The following DYNC2I1 variants were observed in gnomAD, a reference collection of about 807,000 sequenced individuals.
The protein encoded by DYNC2I1 is dynein 2 intermediate chain 1.
A neutral mutation model predicts 133.4 loss-of-function variants in DYNC2I1; 89 were observed. The observed-to-expected ratio is 0.67, with a 90% CI of 0.56 to 0.80. DYNC2I1 has a LOEUF of 0.80. Among genes scored for constraint, DYNC2I1 ranks in the 30% least tolerant of loss-of-function variants. The probability of loss-of-function intolerance (pLI) is 0.00; values close to 1 mark genes in which losing one functional copy is unlikely to be tolerated. For missense variants in DYNC2I1, 1,291 were observed against 1,314.5 expected, an observed-to-expected ratio of 0.98 and a Z score of 0.28; for synonymous variants, 504 against 484.3, an observed-to-expected ratio of 1.04 and a Z score of -0.54.
intron 20 of DYNC2I1, among the ~76,000 whole-genome samples, chr7:158,929,369 C>A (rs938076767): frequency 6.6e-6 from 1 of 152,214 alleles, no homozygotes; most frequent in Non-Finnish European, 1.5e-5. Flanking sequence ...CTTACTGGAG[C>A]GGAGGCGCAG....
At chr7:158,842,727 T>C in the DYNC2I1 span, among the ~76,000 whole-genome samples, 2 of 152,258 alleles carry the variant, frequency 1.3e-5, no homozygotes, top group Non-Finnish European at 2.9e-5. Context: ...GAAAGGTTTA[T>C]TGATTCTGCT....
At chr7:158,942,882 A>C (rs1334130315) in intron 24 of DYNC2I1, among the ~76,000 whole-genome samples, 1 of 152,216 alleles carries the variant, frequency 6.6e-6, no homozygotes, top group Admixed American at 6.5e-5. Flanking sequence ...CACTCCCATC[A>C]ACACCACTGT....
At position 158,918,877 on chromosome 7, in the gene DYNC2I1, G is replaced by T. The variant is rs755278989; in HGVS notation, c.1921+8G>T. 6.8e-6 allele frequency: 11 copies of T among 1,609,106 alleles called. No homozygotes were observed. The South Asian group carries it at 8.8e-5, about 13-fold the overall frequency. ...GTCTACCATTCCTTCAAAGTAAGAG[G>T]CTGTTCTCAAATATGATTTTAAATC... On this transcript the variant is annotated splice_region_variant and intron_variant, in intron 15 of 24. Coordinates refer to ENST00000407559, the MANE Select transcript of DYNC2I1 (RefSeq NM_018051.5).
chr7:158,900,870 T>G (rs1396190091), intron 8 of DYNC2I1, among the ~76,000 whole-genome samples: 1 of 152,098 alleles, frequency 6.6e-6, no homozygotes, highest in Non-Finnish European at 1.5e-5. Flanking sequence ...AAAGTTGTTC[T>G]TCACTTCTGT....
chr7:158,902,440 C>T lies in DYNC2I1; in HGVS notation c.1202C>T (p.Ser401Leu). 6.2e-7 allele frequency: 1 copy of T among 1,613,644 alleles called. No homozygotes were observed. The highest frequency in any genetic ancestry group is 8.5e-7 in the Non-Finnish European group (1 of 1,179,856). ...GATGAAAGCAGTAATGAACCTGAGT[C>T]AAGAGAAAAACTGGAAGAACTTCCT... Reference protein sequence around the residue: ...DDDESSNEPESREKLEELPLA... With the variant: ...DDDESSNEPELREKLEELPLA... Residue 401 changes from serine (S) to leucine (L), a missense_variant, in exon 10 of 25, where the codon TCA becomes TTA. Coordinates refer to ENST00000407559, the MANE Select transcript of DYNC2I1 (RefSeq NM_018051.5).
intron 15 of DYNC2I1, 78 bp downstream of exon 15, chr7:158,918,947 A>G (rs1848750591): frequency 7.0e-7 from 1 of 1,431,944 alleles, no homozygotes; most frequent in Admixed American, 2.4e-5. Context: ...GTAGTATAAT[A>G]TTTTATTTTA....
rs759200684 is a variant in DYNC2I1, at chr7:158,861,819, C to G, written c.15+5069C>G. 6.0e-4 allele frequency among the ~76,000 whole-genome samples: 91 copies of G among 152,206 alleles called. 1 individual carries two copies. Among genetic ancestry groups the G allele is most frequent in the Non-Finnish European group, 2.9e-4 (20 of 68,034 alleles). On this transcript the variant is annotated intron_variant, in intron 1 of 24. Coordinates refer to ENST00000407559, the MANE Select transcript of DYNC2I1 (RefSeq NM_018051.5). ...ATAACCTTGGATTCAGTGATGGAAACTGATCATCCTAGTTTTCTTCGTTAC... is the reference window on the plus strand; with the variant it reads ...ATAACCTTGGATTCAGTGATGGAAAGTGATCATCCTAGTTTTCTTCGTTAC...
chr7:158,879,541 T>C, intron 4 of DYNC2I1, 143 bp from the exon 5 acceptor site: 1 of 811,818 alleles, frequency 1.2e-6, no homozygotes, highest in Non-Finnish European at 1.9e-6. Flanking sequence ...AGTCTGTACA[T>C]GTTTACTACA....
intron 4 of DYNC2I1, among the ~76,000 whole-genome samples, chr7:158,877,549 C>T (rs1843482563): frequency 6.6e-6 from 1 of 152,160 alleles, no homozygotes; most frequent in Non-Finnish European, 1.5e-5. Context: ...GAGCATAATT[C>T]CTTATGTCCT....
chr7:158,867,157 C>G (rs1842483984), intron 1 of DYNC2I1, among the ~76,000 whole-genome samples: 2 of 151,756 alleles, frequency 1.3e-5, no homozygotes, highest in Admixed American at 1.3e-4. Flanking sequence ...GTTTGCTTAG[C>G]TGAGGTTAGG....
chr7:158,896,000 A>G (rs913488415), intron 8 of DYNC2I1, among the ~76,000 whole-genome samples: 3 of 152,124 alleles, frequency 2.0e-5, no homozygotes, highest in Non-Finnish European at 4.4e-5. Flanking sequence ...GTAATTGCTT[A>G]TTATTTCCAG....
rs1400531425 is a variant in DYNC2I1 at position 158,856,600 on chromosome 7, C to A, written c.-136C>A. 2.1e-6 allele frequency: 2 copies of A among 937,432 alleles called. No individual in the cohort carries two copies. The highest frequency in any genetic ancestry group is 3.3e-5 in the East Asian group (1 of 30,094). The allele number at this position is 937,432 out of a possible 1,614,324, so 58.1% of individuals were successfully genotyped here. A position where few individuals can be genotyped will look rare whatever the true frequency, so the allele number is the denominator to read the frequency against. ...ACGCTGGGCAGTGCTTCTGGGCCCTCTGCTGCTCCTGCTTGTCGGTTGCTA... is the reference window on the plus strand; with the variant it reads ...ACGCTGGGCAGTGCTTCTGGGCCCTATGCTGCTCCTGCTTGTCGGTTGCTA... On this transcript the variant is annotated 5_prime_UTR_variant, in exon 1 of 25. It adds an upstream start codon to the 5' untranslated region. Transcript: ENST00000407559.
At chr7:158,915,795 A>T (rs1173721920) in intron 14 of DYNC2I1, among the ~76,000 whole-genome samples, 52 of 141,670 alleles carry the variant, frequency 3.7e-4, no homozygotes, top group East Asian at 1.4e-3. Flanking sequence ...TGATTGTGAA[A>T]CGTCGACACG....
In DYNC2I1 at chr7:158,887,720, G is replaced by C. The variant is rs557730385; in HGVS notation, c.990+645G>C. On this transcript the variant is annotated intron_variant, in intron 7 of 24. Transcript: ENST00000407559. ...CCACAAAGTCGCTCAGGCTCTGATGGCTTCTCTGGCAAATTCTACCAAGCA... is the reference window on the plus strand; with the variant it reads ...CCACAAAGTCGCTCAGGCTCTGATGCCTTCTCTGGCAAATTCTACCAAGCA... 5.3e-5 allele frequency among the ~76,000 whole-genome samples: 8 copies of C among 152,266 alleles called. No individual in the cohort carries two copies. The East Asian group carries it at 1.5e-3, about 29-fold the overall frequency.
chr7:158,922,359 T>A lies in DYNC2I1; in HGVS notation c.1922-18T>A. 6.2e-7 allele frequency: 1 copy of A among 1,606,954 alleles called. No homozygotes were observed. Among genetic ancestry groups the A allele is most frequent in the Non-Finnish European group, 8.5e-7 (1 of 1,176,168 alleles). On this transcript the variant is annotated intron_variant, in intron 15 of 24. Coordinates refer to ENST00000407559, the MANE Select transcript of DYNC2I1 (RefSeq NM_018051.5). ...CTGGCAGGTCGTTGAAATGTGAACA[T>A]ATTTTTCTTCTCCCTAGATCGAAAA...
intron 4 of DYNC2I1, among the ~76,000 whole-genome samples, chr7:158,878,336 C>T (rs1224572774): frequency 4.8e-4 from 51 of 105,886 alleles, no homozygotes; most frequent in African/African-American, 1.3e-3. Context: ...CTGTGAGTGC[C>T]GGGCACCATG....
rs73527686 is a variant in DYNC2I1, at chr7:158,870,266, G to A, written c.69+358G>A. On this transcript the variant is annotated intron_variant, in intron 2 of 24. Coordinates refer to ENST00000407559, the MANE Select transcript of DYNC2I1 (RefSeq NM_018051.5). Reference sequence around the variant, plus strand: ...GTCCTTGTTTGTATGGGGCCCAGGCGGTTTGTGTCTTAGCGACTTTAAAAC... The same window carrying A: ...GTCCTTGTTTGTATGGGGCCCAGGCAGTTTGTGTCTTAGCGACTTTAAAAC... Among the ~76,000 whole-genome samples, 1,381 of 152,244 alleles carry A rather than the reference G, an allele frequency of 9.1e-3. 9 individuals carry two copies. Among genetic ancestry groups the A allele is most frequent in the African/African-American group, 0.03 (1,252 of 41,532 alleles).
At chr7:158,919,284 C>T (rs1277327565) in intron 15 of DYNC2I1, among the ~76,000 whole-genome samples, 1 of 152,196 alleles carries the variant, frequency 6.6e-6, no homozygotes, top group Admixed American at 6.5e-5. Flanking sequence ...GATATAGTTA[C>T]AAGCAAGACG....
chr7:158,857,406 T>G (rs1841377440), intron 1 of DYNC2I1, among the ~76,000 whole-genome samples: 1 of 152,196 alleles, frequency 6.6e-6, no homozygotes, highest in Non-Finnish European at 1.5e-5. Flanking sequence ...GATTCCCCAC[T>G]GAAAGATGAG....
Sources: allele counts gnomAD v4.1 joint callset (sites outside exome capture counted in the v4.1 genomes callset), GRCh38; gene constraint gnomAD v4.1.1; transcripts MANE v1.5; gene names NCBI Gene and HGNC (gene_info 2026-07-23, HGNC 2026-07-21).